The following BLK variants were observed in gnomAD, a reference collection of about 807,000 sequenced individuals.
The protein encoded by BLK is tyrosine-protein kinase Blk.
Under a neutral mutation model 61.8 loss-of-function variants are expected in BLK, and 64 were observed. The observed-to-expected ratio is 1.03, with a 90% CI of 0.85 to 1.27. BLK has a LOEUF of 1.27. Ranked by LOEUF, BLK falls within the 50% of genes most tolerant of loss-of-function variation. The pLI is 0.00. For missense variants in BLK, 853 were observed against 660.5 expected (o/e 1.29, Z -3.19); for synonymous variants, 351 against 272.0 (o/e 1.29, Z -2.86).
At chr8:11,537,705 T>C (rs559141207) in intron 1 of BLK, among the ~76,000 whole-genome samples, 6 of 152,200 alleles carry the variant, frequency 3.9e-5, no homozygotes, top group African/African-American at 1.4e-4. Context: ...AGGATAACTG[T>C]AACCAATTTA....
intron 1 of BLK, among the ~76,000 whole-genome samples, chr8:11,525,262 GTT>G (rs1340778990): frequency 6.6e-6 from 1 of 152,194 alleles, no homozygotes; most frequent in Non-Finnish European, 1.5e-5. Context: ...GACAACATGA[GTT>G]TATTACTTTC....
intron 1 of BLK, among the ~76,000 whole-genome samples, chr8:11,507,069 T>C (rs147798755): frequency 1.2e-4 from 19 of 152,362 alleles, no homozygotes; most frequent in African/African-American, 4.3e-4. Flanking sequence ...GCCTGTCCCA[T>C]CTGCTGACAG....
chr8:11,498,720 C>T (rs1030055935), intron 1 of BLK, among the ~76,000 whole-genome samples: 27 of 152,264 alleles, frequency 1.8e-4, no homozygotes, highest in South Asian at 1.7e-3. Flanking sequence ...CCACTGTATA[C>T]GAGCAGCCTT....
intron 1 of BLK, among the ~76,000 whole-genome samples, chr8:11,528,788 A>T (rs1459717561): frequency 1.3e-5 from 2 of 152,190 alleles, no homozygotes; most frequent in East Asian, 1.9e-4. Flanking sequence ...GAACGAGATT[A>T]TGTCCTTTGC....
intron 1 of BLK, among the ~76,000 whole-genome samples, chr8:11,512,956 C>G (rs769866226): frequency 6.6e-6 from 1 of 152,306 alleles, no homozygotes; most frequent in East Asian, 1.9e-4. Context: ...CGTGAGCCAC[C>G]GCGGCTGGTC....
In BLK at chr8:11,499,842, A is replaced by G. The variant is rs181579774; in HGVS notation, c.-2+5251A>G. Among the ~76,000 whole-genome samples the G allele has an allele frequency of 1.1e-4, 17 of 152,286 alleles. No individual in the cohort carries two copies. In the East Asian group the frequency reaches 3.3e-3, roughly 29 times the overall value. Reference sequence around the variant, plus strand: ...CATGTCACAGTTTGTATTTCTGTGCACCAGCTTTATACACATTTTTTTTTC... The same window carrying G: ...CATGTCACAGTTTGTATTTCTGTGCGCCAGCTTTATACACATTTTTTTTTC... On this transcript the variant is annotated intron_variant, in intron 1 of 12. Transcript: ENST00000259089.
chr8:11,544,782 C>A (rs551576825), intron 2 of BLK, among the ~76,000 whole-genome samples: 1 of 152,228 alleles, frequency 6.6e-6, no homozygotes, highest in South Asian at 2.1e-4. Flanking sequence ...CATCATTTTG[C>A]AAAATGCTAC....
intron 1 of BLK, among the ~76,000 whole-genome samples, chr8:11,500,705 T>C (rs1175512820): frequency 6.7e-6 from 1 of 149,732 alleles, no homozygotes; most frequent in Non-Finnish European, 1.5e-5. Context: ...TAGAGATGGG[T>C]TTTTACCATG....
At chr8:11,501,640 T>A (rs1297845906) in intron 1 of BLK, among the ~76,000 whole-genome samples, 1 of 152,228 alleles carries the variant, frequency 6.6e-6, no homozygotes, top group Non-Finnish European at 1.5e-5. Context: ...AAATATGCAA[T>A]AGTCTCTGTC....
chr8:11,542,564 T>C (rs1483604290), intron 1 of BLK, among the ~76,000 whole-genome samples: 2 of 152,304 alleles, frequency 1.3e-5, no homozygotes, highest in East Asian at 3.9e-4. Context: ...GTGGTGTTGA[T>C]GGTGTCAAAA....
intron 2 of BLK, among the ~76,000 whole-genome samples, chr8:11,545,354 G>C (rs910543686): frequency 6.6e-6 from 1 of 152,184 alleles, no homozygotes; most frequent in Admixed American, 6.5e-5. Flanking sequence ...TTCAAGATCA[G>C]CCTGGCCAAC....
Position 11,558,051 on chromosome 8 carries a change from C to A in BLK, c.1029+13C>A. 1 of 1,613,628 alleles carries A rather than the reference C, an allele frequency of 6.2e-7. No individual in the cohort carries two copies. Among genetic ancestry groups the A allele is most frequent in the Non-Finnish European group, 8.5e-7 (1 of 1,179,594 alleles). On this transcript the variant is annotated intron_variant, in intron 10 of 12. Transcript: ENST00000259089. ...CATGTCGGCGCAGGTTGGTGAAGTA[C>A]CAGGTGCAGAGAAAGGGCGGCATGT...
intron 1 of BLK, among the ~76,000 whole-genome samples, chr8:11,511,943 G>A (rs1217433781): frequency 4.6e-5 from 7 of 152,150 alleles, no homozygotes; most frequent in African/African-American, 1.7e-4. Flanking sequence ...AGGTGGAAAA[G>A]TAAGCATTTT....
intron 1 of BLK, among the ~76,000 whole-genome samples, chr8:11,526,022 C>T (rs2117354410): frequency 6.6e-6 from 1 of 152,352 alleles, no homozygotes; most frequent in South Asian, 2.1e-4. Context: ...ATCTGCCCGC[C>T]TCGGCCTCCC....
intron 4 of BLK, 60 bp from the exon 5 acceptor site, chr8:11,548,964 T>C (rs984851905): frequency 3.8e-5 from 55 of 1,447,734 alleles, no homozygotes; most frequent in Admixed American, 9.6e-5. Flanking sequence ...GCCTGAGAGC[T>C]GCCCAGTGAC....
At chr8:11,559,776 C>T (rs942706923) in intron 10 of BLK, 5 of 456,154 alleles carry the variant, frequency 1.1e-5, no homozygotes, top group Admixed American at 9.4e-5. Flanking sequence ...GCCTTGAACA[C>T]TTCCCACCTG....
intron 9 of BLK, 22 bp downstream of exon 9, chr8:11,556,859 C>A (rs982579322): frequency 8.7e-6 from 14 of 1,612,334 alleles, no homozygotes; most frequent in African/African-American, 2.7e-5. Flanking sequence ...CGCAGAGCCG[C>A]ATCCTCAGAG....
chr8:11,528,936 A>C (rs1799783340), intron 1 of BLK, among the ~76,000 whole-genome samples: 1 of 152,086 alleles, frequency 6.6e-6, no homozygotes, highest in East Asian at 1.9e-4. Flanking sequence ...AATAACACAC[A>C]CTGGGGCCTA....
At chr8:11,521,689 T>G (rs1799456039) in intron 1 of BLK, among the ~76,000 whole-genome samples, 1 of 152,186 alleles carries the variant, frequency 6.6e-6, no homozygotes, top group South Asian at 2.1e-4. Flanking sequence ...TCAGCCTCAT[T>G]TATCGAGTAG....
Sources: gnomAD v4.1 joint callset for allele counts (sites outside exome capture counted in the v4.1 genomes callset) on GRCh38, gnomAD v4.1.1 for gene constraint, MANE v1.5 for transcripts, NCBI Gene and HGNC (gene_info 2026-07-23, HGNC 2026-07-21) for gene names.